CD247: variants seen among roughly 807,000 people sequenced by gnomAD.
The protein encoded by CD247 is CD247 molecule.
A neutral mutation model predicts 30.0 loss-of-function variants in CD247; 13 were observed. The ratio of observed to expected loss-of-function variants is 0.43; its 90% confidence interval spans 0.28 to 0.69. CD247 has a LOEUF of 0.69. CD247 is among the 30% of genes least tolerant of loss of function. CD247 has a pLI of 0.16. For missense variants in CD247, 193 were observed against 212.6 expected (o/e 0.91, Z 0.57); for synonymous variants, 72 against 80.0 (o/e 0.90, Z 0.53).
intron 4 of CD247, among the ~76,000 whole-genome samples, 191 bp from the exon 5 acceptor site, chr1:167,435,625 T>C (rs1027006890): frequency 4.6e-5 from 7 of 152,152 alleles, no homozygotes. Flanking sequence ...GGCTCATACT[T>C]GGTTACCTGC....
At chr1:167,444,127 G>T (rs1345553224) in intron 1 of CD247, among the ~76,000 whole-genome samples, 1 of 152,168 alleles carries the variant, frequency 6.6e-6, no homozygotes, top group Admixed American at 6.5e-5. Flanking sequence ...ATTAAATGGA[G>T]GGTAATCATA....
intron 1 of CD247, among the ~76,000 whole-genome samples, chr1:167,487,201 A>AC (rs34913462): frequency 6.7e-6 from 1 of 150,126 alleles, no homozygotes. Context: ...AGATGGTGCA[A>AC]CCCCATCTCT....
chr1:167,459,597 C>A (rs900785220), intron 1 of CD247: 2 of 152,168 alleles, frequency 1.3e-5, no homozygotes. Flanking sequence ...AGGTCATCCG[C>A]CTGCCTTAGC....
At chr1:167,446,556 G>A (rs1652087190) in intron 1 of CD247, among the ~76,000 whole-genome samples, 1 of 152,194 alleles carries the variant, frequency 6.6e-6, no homozygotes, top group Non-Finnish European at 1.5e-5. Context: ...CGCATGCTAA[G>A]AGGCTCTGCA....
chr1:167,444,719 C>T (rs574989118), intron 1 of CD247, among the ~76,000 whole-genome samples: 24 of 152,148 alleles, frequency 1.6e-4, no homozygotes, highest in Non-Finnish European at 2.8e-4. Context: ...AGAGGGAAGC[C>T]CTGCCTTCTG....
intron 1 of CD247, among the ~76,000 whole-genome samples, chr1:167,496,950 G>A (rs1284574802): frequency 1.3e-5 from 2 of 152,196 alleles, no homozygotes; most frequent in Admixed American, 6.5e-5. Context: ...GACACTGACA[G>A]TGAGGGGAGA....
At chr1:167,465,327 CT>C (rs765176193) in intron 1 of CD247, among the ~76,000 whole-genome samples, 2,537 of 115,246 alleles carry the variant, frequency 0.022, 14 homozygotes, top group Middle Eastern at 0.032. Context: ...TTTTCTTTTT[CT>C]TTTTTTTTTT....
At chr1:167,468,785 C>G (rs1042809248) in intron 1 of CD247, among the ~76,000 whole-genome samples, 3 of 152,158 alleles carry the variant, frequency 2.0e-5, no homozygotes, top group African/African-American at 7.2e-5. Flanking sequence ...TAAATTGTAA[C>G]CAACAAATCC....
intron 1 of CD247, among the ~76,000 whole-genome samples, chr1:167,511,781 G>C (rs1441851394): frequency 4.6e-5 from 7 of 152,054 alleles, no homozygotes; most frequent in Admixed American, 3.3e-4. Context: ...CCCTGTACGA[G>C]GGCCCCGAGA....
intron 1 of CD247, among the ~76,000 whole-genome samples, chr1:167,461,571 C>T (rs577843235): frequency 6.6e-6 from 1 of 152,270 alleles, no homozygotes; most frequent in South Asian, 2.1e-4. Context: ...AATAGTCGGC[C>T]GGGCGTGGTG....
chr1:167,485,643 G>C (rs1047945947), intron 1 of CD247, among the ~76,000 whole-genome samples: 6 of 152,108 alleles, frequency 3.9e-5, no homozygotes, highest in Non-Finnish European at 7.4e-5. Flanking sequence ...GGCTCCCGTG[G>C]GGAGGGTATC....
chr1:167,485,109 C>T (rs858557), intron 1 of CD247, among the ~76,000 whole-genome samples: 51,516 of 152,184 alleles, frequency 0.34, 9,695 homozygotes, highest in Admixed American at 0.47. Context: ...ATCACACCCT[C>T]ATGGATGCAG....
intron 1 of CD247, among the ~76,000 whole-genome samples, chr1:167,478,350 A>T (rs998034698): frequency 4.6e-5 from 7 of 152,358 alleles, no homozygotes; most frequent in African/African-American, 1.7e-4. Context: ...TAACATGGCA[A>T]AGGGCCTTCG....
intron 7 of CD247, 82 bp from the exon 8 acceptor site, chr1:167,431,828 C>T (rs961911767): frequency 8.6e-7 from 1 of 1,168,970 alleles, no homozygotes; most frequent in Non-Finnish European, 1.3e-6. Context: ...CAACAGGTGT[C>T]TCTGCAGCAC....
intron 1 of CD247, among the ~76,000 whole-genome samples, chr1:167,499,938 T>C (rs1654836312): frequency 6.6e-6 from 1 of 152,180 alleles, no homozygotes; most frequent in Admixed American, 6.5e-5. Flanking sequence ...CTGGCAAAAC[T>C]ACAAAGTGTG....
intron 1 of CD247, among the ~76,000 whole-genome samples, chr1:167,515,138 T>G (rs927523344): frequency 2.0e-5 from 3 of 152,178 alleles, no homozygotes; most frequent in Admixed American, 1.3e-4. Context: ...GCTAGGCGAT[T>G]GGAGGGCGAA....
Position 167,494,046 on chromosome 1 carries a change from G to GA in CD247, c.58+24361dup, listed in dbSNP as rs913064076. Among the ~76,000 whole-genome samples the GA allele has an allele frequency of 2.6e-5, 4 of 152,084 alleles. No individual in the cohort carries two copies. Among genetic ancestry groups the GA allele is most frequent in the African/African-American group, 9.7e-5 (4 of 41,386 alleles). On this transcript the variant is annotated intron_variant, in intron 1 of 7. Transcript: ENST00000362089. This position sits in a 1 kb window ranked among gnomAD's most constrained non-coding sequence, Gnocchi z 7.3. ...CAGGGCTCTGCTGAGTTGGGTGGGG[G>GA]AGGCTGGAGGCTGCAAAATGATGAC...
chr1:167,510,923 T>A (rs561246751), intron 1 of CD247, among the ~76,000 whole-genome samples: 7 of 152,146 alleles, frequency 4.6e-5, no homozygotes, highest in Non-Finnish European at 1.0e-4. Flanking sequence ...TCAGCCAGCT[T>A]TGGGGGTGGC....
At chr1:167,454,715 A>C (rs1229958120) in intron 1 of CD247, among the ~76,000 whole-genome samples, 1 of 152,224 alleles carries the variant, frequency 6.6e-6, no homozygotes, top group Admixed American at 6.5e-5. Flanking sequence ...CCAGCAGCCG[A>C]GTGAGATGAA....
Sources: gnomAD v4.1 joint callset for allele counts (sites outside exome capture counted in the v4.1 genomes callset) on GRCh38, gnomAD v4.1.1 for gene constraint, Gnocchi (gnomAD v3.1) non-coding constraint, MANE v1.5 for transcripts, NCBI Gene and HGNC (gene_info 2026-07-23, HGNC 2026-07-21) for gene names.